PAPSS2: variants seen among roughly 807,000 people sequenced by gnomAD.
PAPSS2 encodes the protein 3'-phosphoadenosine 5'-phosphosulfate synthase 2.
In PAPSS2, 61 loss-of-function variants were observed where a neutral mutation model predicts 66.5. The ratio of observed to expected loss-of-function variants is 0.92; its 90% CI spans 0.75 to 1.14. PAPSS2 has a LOEUF of 1.14. Ranked by LOEUF, PAPSS2 falls within the 50% of genes most tolerant of loss-of-function variation. The probability of loss-of-function intolerance (pLI) is 0.00; values close to 1 mark genes in which losing one functional copy is unlikely to be tolerated. For missense variants in PAPSS2, 708 were observed against 789.6 expected (o/e 0.90, Z 1.24); for synonymous variants, 289 against 287.5 (o/e 1.01, Z -0.05).
In PAPSS2 at chr10:87,716,756, G is replaced by A. The variant is rs181593336; in HGVS notation, c.865+913G>A. ...GGCCCTCTTCCCTTATTCTTTTGCT[G>A]TGACAGATAACACCCCACAACCTGA... On this transcript the variant is annotated intron_variant, in intron 7 of 12. Transcript: ENST00000456849. Among the ~76,000 whole-genome samples the A allele has an allele frequency of 1.6e-3, 237 of 152,276 alleles. 2 individuals are homozygous for A. The highest frequency in any genetic ancestry group is 2.4e-3 in the Non-Finnish European group (165 of 68,026).
chr10:87,679,260 C>T (rs559313631), intron 1 of PAPSS2, among the ~76,000 whole-genome samples: 60 of 152,202 alleles, frequency 3.9e-4, no homozygotes, highest in Non-Finnish European at 6.8e-4. Flanking sequence ...TAGAATGATA[C>T]ATACTAGAGG....
chr10:87,717,226 T>A (rs752651677), intron 7 of PAPSS2, among the ~76,000 whole-genome samples: 4 of 152,230 alleles, frequency 2.6e-5, no homozygotes, highest in Non-Finnish European at 5.9e-5. Flanking sequence ...ACTTAGCAGC[T>A]AGCCATGAGC....
chr10:87,678,662 G>A (rs1396174002), intron 1 of PAPSS2, among the ~76,000 whole-genome samples: 1 of 152,070 alleles, frequency 6.6e-6, no homozygotes, highest in Non-Finnish European at 1.5e-5. Flanking sequence ...CATGTAAATG[G>A]CCAACAGATA....
intron 1 of PAPSS2, among the ~76,000 whole-genome samples, chr10:87,660,754 A>G (rs1852740023): frequency 6.8e-6 from 1 of 146,980 alleles, no homozygotes; most frequent in African/African-American, 2.5e-5. Context: ...TAAATTTTGC[A>G]TTCTTAAAAA....
chr10:87,707,731 G>A (rs1853411002), intron 1 of PAPSS2, among the ~76,000 whole-genome samples: 1 of 151,438 alleles, frequency 6.6e-6, no homozygotes, highest in Admixed American at 6.6e-5. Context: ...CACCATGCCT[G>A]GCTAATATGT....
intron 9 of PAPSS2, among the ~76,000 whole-genome samples, chr10:87,738,570 A>G (rs1853829386): frequency 6.6e-6 from 1 of 152,024 alleles, no homozygotes. Flanking sequence ...CCACCATGCC[A>G]GATTAATTTT....
chr10:87,692,417 A>G (rs1054177844), intron 1 of PAPSS2, among the ~76,000 whole-genome samples: 4 of 152,184 alleles, frequency 2.6e-5, no homozygotes, highest in African/African-American at 7.2e-5. Context: ...TGCTGAAGGC[A>G]GAGCTATGGA....
chr10:87,719,579 A>G (rs1256934494), intron 7 of PAPSS2, among the ~76,000 whole-genome samples: 1 of 152,186 alleles, frequency 6.6e-6, no homozygotes, highest in Non-Finnish European at 1.5e-5. Context: ...CAACATAGGG[A>G]AACTTTGTCT....
In PAPSS2 at chr10:87,715,072, A is replaced by G. The variant is rs1168838983; in HGVS notation, c.727A>G (p.Thr243Ala). 3 of 1,609,688 alleles carry G rather than the reference A, an allele frequency of 1.9e-6. No homozygotes were observed. The highest frequency in any genetic ancestry group is 2.6e-6 in the Non-Finnish European group (3 of 1,176,406). The change falls in exon 6 of 13, where the codon ACT (threonine) becomes GCT (alanine). Residue 243 changes from threonine (T) to alanine (A), a missense_variant. Physicochemically the swap from Thr to Ala is moderately conservative, Grantham distance 58. Transcript: ENST00000456849. ...TGACCACGTCCGAGCTGAGGCTGAA[A>G]CTCTCCCTTCATTATCAATTACTAA... ...KLDHVRAEAE[T>A]LPSLSITKLD...
At chr10:87,696,107 TAC>T (rs1853231727) in intron 1 of PAPSS2, among the ~76,000 whole-genome samples, 1 of 152,204 alleles carries the variant, frequency 6.6e-6, no homozygotes, top group South Asian at 2.1e-4. Context: ...CACATGCATA[TAC>T]ACTCCCAACT....
chr10:87,719,169 C>T (rs1853567078), intron 7 of PAPSS2, among the ~76,000 whole-genome samples: 1 of 152,080 alleles, frequency 6.6e-6, no homozygotes, highest in South Asian at 2.1e-4. Context: ...TGCTGCCCAC[C>T]CCTACCACTC....
intron 8 of PAPSS2, among the ~76,000 whole-genome samples, chr10:87,725,357 T>C (rs1853645806): frequency 6.6e-6 from 1 of 152,212 alleles, no homozygotes; most frequent in Admixed American, 6.5e-5. Flanking sequence ...CCTTCTAATT[T>C]GCTGTGCTGT....
Position 87,709,308 on chromosome 10 carries a change from TA to T in PAPSS2, c.142del (p.Thr48GlnfsTer11). On this transcript the variant is annotated frameshift_variant, in exon 2 of 13. Coordinates refer to ENST00000456849, the MANE Select transcript of PAPSS2 (RefSeq NM_001015880.2). LOFTEE classifies it high-confidence loss of function. Reference protein sequence around the residue: ...RGGFRGCTVWLTGLSGAGKTT... With the variant: ...RGGFRGCTVWXTGLSGAGKTT... ...GGGTTCCGAGGATGTACCGTGTGGC[TA>T]ACAGGTATGTCATGTTCATATATAT... The T allele has an allele frequency of 6.4e-7, 1 of 1,560,148 alleles. No homozygotes were observed. The highest frequency in any genetic ancestry group is 8.8e-7 in the Non-Finnish European group (1 of 1,136,542).
At position 87,743,407 on chromosome 10, in the gene PAPSS2, C is replaced by T. The variant is rs759538779; in HGVS notation, c.1257C>T (p.Val419=). ...TTGCATTCCAGTTGCGCAATCCTGTCCACAATGGCCATGCCCTGTTGATGC... is the reference window on the plus strand; with the variant it reads ...TTGCATTCCAGTTGCGCAATCCTGTTCACAATGGCCATGCCCTGTTGATGC... ...AVFAFQLRNP[V]HNGHALLMQD... The change falls in exon 11 of 13, where the codon GTC becomes GTT. Residue 419 remains valine, a synonymous_variant. Transcript: ENST00000456849. 1.9e-6 allele frequency: 3 copies of T among 1,614,094 alleles called. No individual in the cohort carries two copies. The highest frequency in any genetic ancestry group is 2.5e-6 in the Non-Finnish European group (3 of 1,179,992).
intron 1 of PAPSS2, among the ~76,000 whole-genome samples, chr10:87,705,729 C>T (rs1344003569): frequency 6.6e-6 from 1 of 151,192 alleles, no homozygotes; most frequent in Non-Finnish European, 1.5e-5. Context: ...GGTTTTCTTT[C>T]TTTTTTCCTT....
At chr10:87,731,853 C>T (rs1022896229) in intron 9 of PAPSS2, among the ~76,000 whole-genome samples, 4 of 152,120 alleles carry the variant, frequency 2.6e-5, no homozygotes, top group African/African-American at 9.7e-5. Context: ...GCAAATAAAT[C>T]GTTTTTTTGA....
Position 87,727,419 on chromosome 10 carries a change from A to G in PAPSS2, c.1016A>G (p.Tyr339Cys), listed in dbSNP as rs548810141. The change falls in exon 9 of 13, where the codon TAT (tyrosine) becomes TGT (cysteine). Residue 339 changes from tyrosine to cysteine, a missense_variant. Coordinates refer to ENST00000456849, the MANE Select transcript of PAPSS2 (RefSeq NM_001015880.2). ...GCTATCTTACGAGACGCTGAATTCT[A>G]TGAACACAGAAAAGAGGAACGCTGT... is the stretch of plus-strand genomic sequence containing the variant. ...RVAILRDAEF[Y>C]EHRKEERCSR... The G allele has an allele frequency of 3.1e-6, 5 of 1,614,170 alleles. No homozygotes were observed. In the African/African-American group the frequency reaches 4.0e-5, roughly 13 times the overall value.
chr10:87,698,621 G>A (rs1564715778), intron 1 of PAPSS2, among the ~76,000 whole-genome samples: 1 of 152,150 alleles, frequency 6.6e-6, no homozygotes, highest in African/African-American at 2.4e-5. Context: ...TTGTGAAACT[G>A]TGTTCCTGGG....
intron 1 of PAPSS2, among the ~76,000 whole-genome samples, chr10:87,690,277 A>G (rs540963316): frequency 1.3e-5 from 2 of 152,348 alleles, no homozygotes; most frequent in Admixed American, 1.3e-4. Flanking sequence ...AACCCTCTGT[A>G]CTGATGTGGA....
Sources: gnomAD v4.1 joint callset for allele counts (sites outside exome capture counted in the v4.1 genomes callset) on GRCh38, gnomAD v4.1.1 for gene constraint, MANE v1.5 for transcripts, NCBI Gene and HGNC (gene_info 2026-07-23, HGNC 2026-07-21) for gene names.